The following KIF11 variants were observed in gnomAD, a reference collection of about 807,000 sequenced individuals.
KIF11 encodes the protein kinesin-like protein KIF11.
A neutral mutation model predicts 121.0 loss-of-function variants in KIF11; 9 were observed. That is an observed-to-expected ratio of 0.07 (90% CI 0.04 to 0.13). The LOEUF is 0.13. KIF11 is among the 10% of genes least tolerant of loss of function. The pLI is 1.00. For missense variants in KIF11, 846 were observed against 1,217.5 expected (o/e 0.69, Z 4.54); for synonymous variants, 408 against 421.0 (o/e 0.97, Z 0.38).
intron 9 of KIF11, 81 bp from the exon 10 acceptor site, chr10:92,621,304 T>C: frequency 2.7e-6 from 2 of 732,816 alleles, no homozygotes; most frequent in Non-Finnish European, 2.3e-6. Context: ...AGGCTAACTT[T>C]ACATTTTATT....
chr10:92,645,745 A>G (rs892006671), intron 18 of KIF11, 103 bp downstream of exon 18: 13 of 921,562 alleles, frequency 1.4e-5, no homozygotes, highest in Non-Finnish European at 2.1e-5. Context: ...ATTTTAAGCT[A>G]TAATGACTTA....
intron 21 of KIF11, among the ~76,000 whole-genome samples, chr10:92,651,228 A>C (rs970816714): frequency 2.0e-5 from 3 of 150,776 alleles, no homozygotes; most frequent in South Asian, 2.1e-4. Flanking sequence ...GGGTTTCACT[A>C]TGTGGGCCAG....
intron 14 of KIF11, 145 bp downstream of exon 14, chr10:92,633,940 G>A: frequency 1.7e-6 from 1 of 584,022 alleles, no homozygotes; most frequent in Admixed American, 3.4e-5. Context: ...CACAGTCATA[G>A]ACACGTCACT....
rs935030200 is a variant in KIF11, at chr10:92,620,581, G to A, written c.1129-804G>A. Among the ~76,000 whole-genome samples, 10 of 152,152 alleles carry A rather than the reference G, an allele frequency of 6.6e-5. No homozygotes were observed. In the East Asian group the frequency reaches 1.9e-3, roughly 29 times the overall value. The stretch of plus-strand genomic sequence containing the variant: ...CTCATCTTAGGCCAGGGGTATGTTA[G>A]TCTGTTTTCATGCTGCTGATAAAGA... On this transcript the variant is annotated intron_variant, in intron 9 of 21. Transcript: ENST00000260731.
intron 4 of KIF11, among the ~76,000 whole-genome samples, chr10:92,608,809 T>C (rs970510785): frequency 9.2e-5 from 14 of 152,142 alleles, no homozygotes; most frequent in African/African-American, 3.1e-4. Context: ...GGCTAAGAAG[T>C]GTGACAGGTT....
chr10:92,608,217 TC>T (rs1247736786), intron 4 of KIF11, among the ~76,000 whole-genome samples: 1 of 150,164 alleles, frequency 6.7e-6, no homozygotes, highest in Non-Finnish European at 1.5e-5. Flanking sequence ...GCTTCAGGAG[TC>T]CTCCCACTTC....
chr10:92,636,364 C>T (rs1336808660), intron 14 of KIF11, among the ~76,000 whole-genome samples: 2 of 151,984 alleles, frequency 1.3e-5, no homozygotes. Flanking sequence ...GGTGGCTCAT[C>T]TCAGCACTTT....
intron 1 of KIF11, among the ~76,000 whole-genome samples, chr10:92,602,823 CACGTGTGTGT>C (rs199995504): frequency 0.13 from 15,890 of 120,768 alleles, 2,345 homozygotes; most frequent in African/African-American, 0.42. Context: ...CACACACACA[CACGTGTGTGT>C]GTGTGTGTGT....
intron 5 of KIF11, 66 bp from the exon 6 acceptor site, chr10:92,609,291 AGAGAGAGAGAGAGTGTGTGTGTGTGTGT>A (rs1475235297): frequency 1.5e-6 from 2 of 1,303,204 alleles, no homozygotes; most frequent in Admixed American, 2.6e-5. Flanking sequence ...AGAGAGAGAG[AGAGAGAGAGAGAGTGTGTGTGTGTGTGT>A]GTGTGTGTGT....
rs759757759 is a variant in KIF11, at chr10:92,630,201, A to T, written c.1331A>T (p.Lys444Ile). The T allele has an allele frequency of 3.2e-6, 5 of 1,578,802 alleles. No individual in the cohort carries two copies. The East Asian group carries it at 1.1e-4, about 36-fold the overall frequency. Residue 444 changes from lysine (K) to isoleucine (I), a missense_variant, in exon 12 of 22, where the codon AAA (lysine) becomes ATA (isoleucine). Lys to Ile is a moderately radical substitution (Grantham distance 102). Transcript: ENST00000260731. ...NRVTELFMDN[K>I]NELDQCKSDL... is the part of the protein sequence containing the mutation. The stretch of plus-strand genomic sequence containing the variant: ...GTTACAGAGTTGTTTATGGATAATA[A>T]AAATGAACTTGACCAGTGTAAATCT...
At chr10:92,625,249 G>T (rs1365081011) in intron 10 of KIF11, among the ~76,000 whole-genome samples, 2 of 151,930 alleles carry the variant, frequency 1.3e-5, no homozygotes, top group Admixed American at 1.3e-4. Context: ...TTGTGGTTTT[G>T]ATTTGCATTT....
intron 14 of KIF11, among the ~76,000 whole-genome samples, chr10:92,634,495 A>G (rs1844775026): frequency 7.0e-6 from 1 of 142,418 alleles, no homozygotes; most frequent in Admixed American, 7.1e-5. Flanking sequence ...GCTGGTCTCA[A>G]GCTCCTAACC....
intron 1 of KIF11, among the ~76,000 whole-genome samples, chr10:92,595,307 A>T (rs920451950): frequency 6.6e-5 from 10 of 151,594 alleles, no homozygotes; most frequent in Middle Eastern, 3.4e-3. Flanking sequence ...GAATCCACCC[A>T]CCTTGGCCTC....
At chr10:92,630,436 A>G (rs1015536616) in intron 12 of KIF11, 72 bp downstream of exon 12, 3 of 842,946 alleles carry the variant, frequency 3.6e-6, no homozygotes, top group East Asian at 5.8e-5. Flanking sequence ...GTGCTTAAGC[A>G]TTAAATATTC....
At chr10:92,637,032 CAAAAAAAAAAAAA>C (rs66987236) in intron 14 of KIF11, 139 bp from the exon 15 acceptor site, 5 of 374,800 alleles carry the variant, frequency 1.3e-5, no homozygotes, top group Non-Finnish European at 1.7e-5. Context: ...GACTCCGTCT[CAAAAAAAAAAAAA>C]AAAAAAAAGA....
In KIF11 at chr10:92,650,745, A is replaced by G. The variant is rs553886823; in HGVS notation, c.3039+228A>G. ...TTGACTTAATCTACATCCTTAGCTG[A>G]TAATCTTTAGCTATTGTATTTATTC... On this transcript the variant is annotated intron_variant, in intron 21 of 21. Coordinates refer to ENST00000260731, the MANE Select transcript of KIF11 (RefSeq NM_004523.4). Among the ~76,000 whole-genome samples, 7 of 152,268 alleles carry G rather than the reference A, an allele frequency of 4.6e-5. No homozygotes were observed. In the East Asian group the frequency reaches 1.4e-3, roughly 29 times the overall value.
At chr10:92,631,174 A>T (rs1174791999) in intron 12 of KIF11, among the ~76,000 whole-genome samples, 1 of 150,782 alleles carries the variant, frequency 6.6e-6, no homozygotes, top group East Asian at 2.0e-4. Context: ...CATGCCTATA[A>T]TCCCATCTAC....
At chr10:92,617,262 C>A (rs1844566740) in intron 9 of KIF11, among the ~76,000 whole-genome samples, 5 of 152,146 alleles carry the variant, frequency 3.3e-5, no homozygotes, top group Admixed American at 3.3e-4. Flanking sequence ...TGGCCACTGA[C>A]CTGCTTTCTG....
intron 16 of KIF11, among the ~76,000 whole-genome samples, chr10:92,637,801 A>G (rs1339064871): frequency 6.6e-6 from 1 of 152,210 alleles, no homozygotes; most frequent in Non-Finnish European, 1.5e-5. Context: ...TCACATCAAG[A>G]TGAAAGATGA....
Sources: allele counts gnomAD v4.1 joint callset (sites outside exome capture counted in the v4.1 genomes callset), GRCh38; gene constraint gnomAD v4.1.1; transcripts MANE v1.5; gene names NCBI Gene and HGNC (gene_info 2026-07-23, HGNC 2026-07-21).